PKP4: variants seen among roughly 807,000 people sequenced by gnomAD.
PKP4 encodes the protein plakophilin 4.
A neutral mutation model predicts 145.1 loss-of-function variants in PKP4; 90 were observed. That is an observed-to-expected ratio of 0.62 (90% CI 0.52 to 0.74). The LOEUF is 0.74. Ranked by LOEUF, PKP4 falls within the 30% of genes least tolerant of loss-of-function variation. The pLI is 0.00. For missense variants in PKP4, 1,340 were observed against 1,482.7 expected (o/e 0.90, Z 1.58); for synonymous variants, 563 against 577.2 (o/e 0.98, Z 0.35).
chr2:158,620,912 G>A, intron 4 of PKP4, 78 bp from the exon 5 acceptor site: 1 of 1,267,802 alleles, frequency 7.9e-7, no homozygotes, highest in East Asian at 2.3e-5. Flanking sequence ...AGATGCTGTT[G>A]ACAAACATCT....
chr2:158,471,346 T>C (rs1691539097), intron 1 of PKP4, among the ~76,000 whole-genome samples: 1 of 152,182 alleles, frequency 6.6e-6, no homozygotes, highest in African/African-American at 2.4e-5. Context: ...TTGTTTAAAA[T>C]GGGGGAAAAA....
chr2:158,614,691 C>G (rs1574790479), intron 4 of PKP4, among the ~76,000 whole-genome samples: 1 of 152,196 alleles, frequency 6.6e-6, no homozygotes, highest in Non-Finnish European at 1.5e-5. Flanking sequence ...TGAACAGATT[C>G]CCAAAAGCAC....
At chr2:158,667,836 A>G (rs1439938498) in intron 16 of PKP4, among the ~76,000 whole-genome samples, 2 of 152,238 alleles carry the variant, frequency 1.3e-5, no homozygotes, top group African/African-American at 4.8e-5. Context: ...CACTTCCTTT[A>G]CAGAAATCCT....
At chr2:158,541,908 T>C (rs1438717507) in intron 2 of PKP4, among the ~76,000 whole-genome samples, 2 of 152,200 alleles carry the variant, frequency 1.3e-5, no homozygotes, top group Non-Finnish European at 2.9e-5. Flanking sequence ...CCACTGCCTA[T>C]GGCCTTCTAA....
chr2:158,603,144 C>T, intron 4 of PKP4, 40 bp downstream of exon 4: 1 of 1,097,688 alleles, frequency 9.1e-7, no homozygotes, highest in Non-Finnish European at 1.3e-6. Context: ...TTGATAAACA[C>T]AAATTACATA....
In PKP4 at chr2:158,640,820, G is replaced by A. The variant is rs1558936572; in HGVS notation, c.1695+61G>A. ...TAATGCCTTTGCATTTAACAGCCAC[G>A]TGCTTCTGTATTTAAGAAATTACCC... On this transcript the variant is annotated intron_variant, in intron 10 of 21. Coordinates refer to ENST00000389759, the MANE Select transcript of PKP4 (RefSeq NM_003628.6). 26 of 1,569,196 alleles carry A rather than the reference G, an allele frequency of 1.7e-5. No individual in the cohort carries two copies. In the East Asian group the frequency reaches 2.0e-4, roughly 12 times the overall value.
chr2:158,565,500 T>C (rs2105750034), intron 2 of PKP4, among the ~76,000 whole-genome samples: 1 of 151,742 alleles, frequency 6.6e-6, no homozygotes, highest in East Asian at 1.9e-4. Context: ...ACATTACTTG[T>C]CTGCTCTTTT....
At chr2:158,512,649 G>A (rs564690763) in intron 1 of PKP4, among the ~76,000 whole-genome samples, 1 of 152,250 alleles carries the variant, frequency 6.6e-6, no homozygotes, top group Non-Finnish European at 1.5e-5. Flanking sequence ...CTTTTGATTT[G>A]TATAGGTTGA....
At position 158,658,292 on chromosome 2, in the gene PKP4, C is replaced by T. The variant is rs1335699723; in HGVS notation, c.2071C>T (p.Arg691Cys). The T allele has an allele frequency of 3.1e-6, 5 of 1,596,952 alleles. No individual in the cohort carries two copies. The highest frequency in any genetic ancestry group is 3.3e-4 in the Middle Eastern group (2 of 6,014). ...KIKFQTSLVL[R>C]NTTGCLRNLS... Reference sequence around the variant, plus strand: ...TAAATTTCAGACTTCACTAGTTCTGCGTAACACGACAGGTTGCCTAAGGTA... The same window carrying T: ...TAAATTTCAGACTTCACTAGTTCTGTGTAACACGACAGGTTGCCTAAGGTA... The change falls in exon 12 of 22, where the codon CGT becomes TGT. Residue 691 changes from arginine to cysteine, a missense_variant. By Grantham distance (180) the Arg-to-Cys change is radical. Coordinates refer to ENST00000389759, the MANE Select transcript of PKP4 (RefSeq NM_003628.6).
At chr2:158,611,801 A>G (rs2051172720) in intron 4 of PKP4, among the ~76,000 whole-genome samples, 1 of 152,126 alleles carries the variant, frequency 6.6e-6, no homozygotes, top group African/African-American at 2.4e-5. Flanking sequence ...TTTATCATAT[A>G]TTTCTTCCTG....
chr2:158,656,343 C>T (rs981423851), intron 11 of PKP4, among the ~76,000 whole-genome samples: 8 of 126,834 alleles, frequency 6.3e-5, no homozygotes, highest in African/African-American at 1.8e-4. Flanking sequence ...TTCATAAGCA[C>T]CCATAATGCG....
At chr2:158,473,693 C>T (rs1691975807) in intron 1 of PKP4, among the ~76,000 whole-genome samples, 1 of 151,872 alleles carries the variant, frequency 6.6e-6, no homozygotes, top group Non-Finnish European at 1.5e-5. Flanking sequence ...GAAAAGGTAA[C>T]TCTGGGGTAT....
intron 1 of PKP4, among the ~76,000 whole-genome samples, chr2:158,463,696 C>T (rs558143981): frequency 6.6e-6 from 1 of 152,296 alleles, no homozygotes; most frequent in African/African-American, 2.4e-5. Flanking sequence ...TTTCGCAACT[C>T]TTAGAACATC....
intron 4 of PKP4, among the ~76,000 whole-genome samples, chr2:158,613,498 G>GTT (rs1282546305): frequency 6.6e-6 from 1 of 152,180 alleles, no homozygotes; most frequent in Non-Finnish European, 1.5e-5. Flanking sequence ...CACCCTGGGA[G>GTT]TTTTTTAAAG....
At chr2:158,536,393 A>G (rs1168967675) in intron 2 of PKP4, among the ~76,000 whole-genome samples, 2 of 152,220 alleles carry the variant, frequency 1.3e-5, no homozygotes, top group African/African-American at 2.4e-5. Flanking sequence ...GCAAAGTAGT[A>G]TCTTATAAAA....
At chr2:158,506,777 A>G (rs772489760) in intron 1 of PKP4, among the ~76,000 whole-genome samples, 4 of 152,238 alleles carry the variant, frequency 2.6e-5, no homozygotes, top group Non-Finnish European at 5.9e-5. Context: ...TGAAGAGAAT[A>G]TGAACGGATT....
chr2:158,504,748 T>C (rs1697071974), intron 1 of PKP4, among the ~76,000 whole-genome samples: 2 of 151,862 alleles, frequency 1.3e-5, no homozygotes, highest in African/African-American at 4.8e-5. Context: ...TTTTATATCC[T>C]TCTTGCAAAT....
chr2:158,557,125 G>T (rs1294085429), intron 2 of PKP4, among the ~76,000 whole-genome samples: 3 of 152,046 alleles, frequency 2.0e-5, no homozygotes, highest in African/African-American at 7.2e-5. Context: ...TGGGGTTATT[G>T]TAGAATTTAA....
chr2:158,629,972 T>G (rs2105910231), intron 7 of PKP4, among the ~76,000 whole-genome samples: 1 of 152,306 alleles, frequency 6.6e-6, no homozygotes, highest in Non-Finnish European at 1.5e-5. Context: ...GACCTCGTGA[T>G]CTACGTGCCT....
Sources: gnomAD v4.1 joint callset for allele counts (sites outside exome capture counted in the v4.1 genomes callset) on GRCh38, gnomAD v4.1.1 for gene constraint, MANE v1.5 for transcripts, NCBI Gene and HGNC (gene_info 2026-07-23, HGNC 2026-07-21) for gene names.